Variants in TOM1 observed in about 807,000 individuals in gnomAD.
TOM1 encodes the protein target of Myb protein 1.
Under a neutral mutation model 61.3 loss-of-function variants are expected in TOM1, and 38 were observed. The observed-to-expected ratio is 0.62, with a 90% CI of 0.48 to 0.81. TOM1 has a LOEUF of 0.81. Among genes scored for constraint, TOM1 ranks in the 40% least tolerant of loss-of-function variants. The pLI, the probability that TOM1 is intolerant of heterozygous loss-of-function variation, is 0.00. For synonymous variants in TOM1, 270 were observed against 268.8 expected (o/e 1.00, Z -0.04); for missense variants, 591 against 659.6 (o/e 0.90, Z 1.14).
At chr22:35,319,566 C>T (rs935173078) in intron 2 of TOM1, among the ~76,000 whole-genome samples, 3 of 152,220 alleles carry the variant, frequency 2.0e-5, no homozygotes, top group Admixed American at 6.5e-5. Context: ...CCAACAAGGA[C>T]GCTGTCCCTG....
At chr22:35,305,170 C>T (rs545355892) in intron 1 of TOM1, among the ~76,000 whole-genome samples, 1 of 152,362 alleles carries the variant, frequency 6.6e-6, no homozygotes, top group South Asian at 2.1e-4. Context: ...GTTGAGGAGA[C>T]ACCAGGCTGG....
chr22:35,300,082 A>G (rs1166471823), intron 1 of TOM1, 102 bp downstream of exon 1: 9 of 1,370,512 alleles, frequency 6.6e-6, no homozygotes, highest in Non-Finnish European at 8.0e-6. Context: ...CAGGGAGGGC[A>G]AGGAGGCTGG....
chr22:35,321,721 C>T (rs1489331593), intron 2 of TOM1: 13 of 640,646 alleles, frequency 2.0e-5, no homozygotes, highest in African/African-American at 7.2e-5. Flanking sequence ...TTTAACAAAA[C>T]GCTCTCATCT....
intron 2 of TOM1, among the ~76,000 whole-genome samples, chr22:35,321,448 G>A (rs2145653044): frequency 6.6e-6 from 1 of 152,134 alleles, no homozygotes; most frequent in African/African-American, 2.4e-5. Flanking sequence ...GCCCAGGCTG[G>A]AGTACAGTGG....
intron 12 of TOM1, chr22:35,344,997 G>T (rs910728931): frequency 6.5e-6 from 1 of 153,140 alleles, no homozygotes; most frequent in Non-Finnish European, 1.5e-5. Flanking sequence ...TCACTCTGAA[G>T]TCTGTGCCCA....
chr22:35,334,468 C>T lies in TOM1; in HGVS notation c.1148+20C>T. 5 of 1,613,368 alleles carry T rather than the reference C, an allele frequency of 3.1e-6. No individual in the cohort carries two copies. Among genetic ancestry groups the T allele is most frequent in the South Asian group, 1.1e-5 (1 of 91,032 alleles). Reference sequence around the variant, plus strand: ...GAAAGAGTGAGTGGCCTGGCCCTGCCCTGGTCCCCTGCAGTTCGGGTGGCT... The same window carrying T: ...GAAAGAGTGAGTGGCCTGGCCCTGCTCTGGTCCCCTGCAGTTCGGGTGGCT... On this transcript the variant is annotated intron_variant, in intron 11 of 14. Transcript: ENST00000449058.
At chr22:35,338,088 C>T (rs1929536073) in intron 11 of TOM1, among the ~76,000 whole-genome samples, 1 of 152,218 alleles carries the variant, frequency 6.6e-6, no homozygotes, top group Non-Finnish European at 1.5e-5. Flanking sequence ...GCCTCTGCCG[C>T]TCCCAGCCCA....
At chr22:35,305,078 G>A (rs1926196680) in intron 1 of TOM1, among the ~76,000 whole-genome samples, 1 of 152,218 alleles carries the variant, frequency 6.6e-6, no homozygotes, top group African/African-American at 2.4e-5. Context: ...CCACAGGAAG[G>A]AATCACAGAA....
chr22:35,320,665 C>A (rs948937422), intron 2 of TOM1, among the ~76,000 whole-genome samples: 1 of 152,112 alleles, frequency 6.6e-6, no homozygotes, highest in Admixed American at 6.5e-5. Context: ...TTTCTGACCA[C>A]CCCCATCCTC....
At chr22:35,303,478 C>G (rs931356377) in intron 1 of TOM1, among the ~76,000 whole-genome samples, 7 of 151,014 alleles carry the variant, frequency 4.6e-5, no homozygotes, top group African/African-American at 1.5e-4. Context: ...TTCCTGTCAT[C>G]ATCACCATCA....
rs1274009933 is a variant in TOM1 at position 35,327,190 on chromosome 22, G to T, written c.649-81G>T. 32 of 1,347,506 alleles carry T rather than the reference G, an allele frequency of 2.4e-5. 1 individual carries two copies. In the Middle Eastern group the frequency reaches 5.4e-4, roughly 23 times the overall value. 83.5% of individuals were successfully genotyped at this position (1,347,506 alleles called of 1,614,324 possible). On this transcript the variant is annotated intron_variant, in intron 6 of 14. Transcript: ENST00000449058. The stretch of plus-strand genomic sequence containing the variant: ...CTCCCTGGTGCTGCACCCAGGGTTG[G>T]TGGTACTGGGTTCTGTCGCTGTGAG...
chr22:35,311,380 A>C (rs1369882549), intron 1 of TOM1, among the ~76,000 whole-genome samples: 1 of 152,244 alleles, frequency 6.6e-6, no homozygotes, highest in Non-Finnish European at 1.5e-5. Context: ...ACCTAGCAAG[A>C]AGCCTGAAGG....
intron 6 of TOM1, among the ~76,000 whole-genome samples, chr22:35,326,322 A>T (rs1928300103): frequency 6.6e-6 from 1 of 152,236 alleles, no homozygotes; most frequent in Non-Finnish European, 1.5e-5. Context: ...AGGCATTCCC[A>T]GTGTGCATGA....
intron 1 of TOM1, among the ~76,000 whole-genome samples, chr22:35,312,834 C>CT (rs1267723626): frequency 6.6e-6 from 1 of 152,190 alleles, no homozygotes; most frequent in Non-Finnish European, 1.5e-5. Flanking sequence ...AGAGTTCAGG[C>CT]TTTTGATCCT....
chr22:35,314,697 G>A (rs1927133027), intron 1 of TOM1, among the ~76,000 whole-genome samples: 1 of 151,912 alleles, frequency 6.6e-6, no homozygotes, highest in Non-Finnish European at 1.5e-5. Context: ...GCTCAGGGAG[G>A]AGAGGGCCAA....
chr22:35,312,812 G>A (rs1031938818), intron 1 of TOM1, among the ~76,000 whole-genome samples: 2 of 152,218 alleles, frequency 1.3e-5, no homozygotes, highest in Non-Finnish European at 2.9e-5. Flanking sequence ...TGTGGCTGAC[G>A]CCAGCCCCTG....
intron 1 of TOM1, 94 bp downstream of exon 1, chr22:35,300,074 G>A (rs1925588576): frequency 1.4e-6 from 2 of 1,417,302 alleles, no homozygotes; most frequent in African/African-American, 2.8e-5. Flanking sequence ...CACGGAGGCA[G>A]GGAGGGCAAG....
At chr22:35,337,462 G>C (rs145778235) in intron 11 of TOM1, among the ~76,000 whole-genome samples, 2 of 152,328 alleles carry the variant, frequency 1.3e-5, no homozygotes, top group African/African-American at 4.8e-5. Flanking sequence ...GTAGTCACTG[G>C]CCCACTTGCC....
At chr22:35,317,400 G>A (rs1264791718) in intron 1 of TOM1, among the ~76,000 whole-genome samples, 1 of 152,096 alleles carries the variant, frequency 6.6e-6, no homozygotes, top group Admixed American at 6.5e-5. Flanking sequence ...TGTTGGTCAG[G>A]CTGGTCTCAA....
Sources: allele counts gnomAD v4.1 joint callset (sites outside exome capture counted in the v4.1 genomes callset), GRCh38; gene constraint gnomAD v4.1.1; transcripts MANE v1.5; gene names NCBI Gene and HGNC (gene_info 2026-07-23, HGNC 2026-07-21).